VPS53: variants seen among roughly 807,000 people sequenced by gnomAD.
VPS53 encodes VPS53 subunit of GARP complex.
A neutral mutation model predicts 107.0 loss-of-function variants in VPS53; 70 were observed. That is an observed-to-expected ratio of 0.65 (90% CI 0.54 to 0.80). VPS53 has a LOEUF of 0.80. Among genes scored for constraint, VPS53 ranks in the 30% least tolerant of loss-of-function variants. VPS53 has a pLI of 0.00. For missense variants in VPS53, 917 were observed against 1,049.4 expected, an observed-to-expected ratio of 0.87 and a Z score of 1.74; for synonymous variants, 409 against 393.3, an observed-to-expected ratio of 1.04 and a Z score of -0.47.
chr17:679,288 C>T (rs576694568), intron 4 of VPS53, among the ~76,000 whole-genome samples: 7 of 151,334 alleles, frequency 4.6e-5, no homozygotes, highest in South Asian at 2.1e-4. Flanking sequence ...GGCCGAGGCG[C>T]GCAGATCACG....
chr17:683,245 AT>A (rs927239009), intron 4 of VPS53, among the ~76,000 whole-genome samples: 17 of 151,700 alleles, frequency 1.1e-4, no homozygotes, highest in African/African-American at 3.9e-4. Context: ...ATGGCTGAGA[AT>A]TTTTTTTTAA....
intron 5 of VPS53, among the ~76,000 whole-genome samples, chr17:658,699 G>A (rs1409947717): frequency 6.8e-6 from 1 of 147,834 alleles, no homozygotes; most frequent in Non-Finnish European, 1.5e-5. Flanking sequence ...ACACTCGGCC[G>A]TGAGTTCGTG....
chr17:573,391 C>G (rs1914339353), intron 13 of VPS53, among the ~76,000 whole-genome samples: 1 of 152,246 alleles, frequency 6.6e-6, no homozygotes, highest in African/African-American at 2.4e-5. Context: ...TGCCTCCTCC[C>G]TGAGTACTGG....
chr17:640,901 C>T lies in VPS53; in HGVS notation c.609-9273G>A, dbSNP rs187291451. Among the ~76,000 whole-genome samples the T allele has an allele frequency of 4.6e-5, 7 of 152,174 alleles. No individual in the cohort carries two copies. In the East Asian group the frequency reaches 1.4e-3, roughly 29 times the overall value. On this transcript the variant is annotated intron_variant, in intron 7 of 21. Transcript: ENST00000437048. ...CGAAGTCTCACTCTTGTCTCCCAGG[C>T]TGGAGTGCAATGGGATAATCTCGGC...
At chr17:596,462 G>A (rs902735420) in intron 12 of VPS53, among the ~76,000 whole-genome samples, 7 of 152,122 alleles carry the variant, frequency 4.6e-5, no homozygotes, top group Non-Finnish European at 7.3e-5. Context: ...GCAGTGCCAG[G>A]GTTCCACCTC....
chr17:674,389 C>G (rs551378549), intron 4 of VPS53: 20 of 152,202 alleles, frequency 1.3e-4, no homozygotes, highest in Non-Finnish European at 2.5e-4. Context: ...AGTCTTCATT[C>G]AGGAGAAAAC....
chr17:517,299 C>T lies in VPS53; in HGVS notation c.*1829G>A, dbSNP rs1908379094. On this transcript the variant is annotated 3_prime_UTR_variant, in exon 22 of 22. Transcript: ENST00000437048. ...GACGCTTGATGCGTGAGAGTCAAACCAGCTAGCAAGGACAGCCTGGAAGCC... is the reference window on the plus strand; with the variant it reads ...GACGCTTGATGCGTGAGAGTCAAACTAGCTAGCAAGGACAGCCTGGAAGCC... 1 of 395,718 alleles carries T rather than the reference C, an allele frequency of 2.5e-6. No homozygotes were observed. Among genetic ancestry groups the T allele is most frequent in the Non-Finnish European group, 4.5e-6 (1 of 224,542 alleles). The allele number at this position is 395,718 out of a possible 1,614,324, so 24.5% of individuals were successfully genotyped here.
intron 13 of VPS53, among the ~76,000 whole-genome samples, chr17:573,825 G>A (rs1022197806): frequency 2.0e-5 from 3 of 152,160 alleles, no homozygotes; most frequent in Non-Finnish European, 4.4e-5. Flanking sequence ...CATCTGGGAA[G>A]TTATGAATGG....
intron 9 of VPS53, among the ~76,000 whole-genome samples, chr17:627,782 A>G (rs1969778757): frequency 6.6e-6 from 1 of 152,070 alleles, no homozygotes; most frequent in South Asian, 2.1e-4. Flanking sequence ...TCTCACACAC[A>G]CACACACACA....
chr17:638,573 T>C (rs1488830728), intron 7 of VPS53, among the ~76,000 whole-genome samples: 1 of 152,220 alleles, frequency 6.6e-6, no homozygotes, highest in Non-Finnish European at 1.5e-5. Context: ...CTTTCCATGT[T>C]TAGTGCTTCC....
chr17:566,685 C>T (rs184361475), intron 13 of VPS53, among the ~76,000 whole-genome samples: 1 of 151,872 alleles, frequency 6.6e-6, no homozygotes, highest in Non-Finnish European at 1.5e-5. Context: ...ATTGATAGTG[C>T]CAACCAAATC....
At chr17:578,187 T>A (rs969859313) in intron 13 of VPS53, among the ~76,000 whole-genome samples, 1 of 151,084 alleles carries the variant, frequency 6.6e-6, no homozygotes, top group African/African-American at 2.4e-5. Context: ...CCAAAGAATC[T>A]CCCTCAGAAT....
At chr17:549,212 G>T (rs529884902) in intron 17 of VPS53, among the ~76,000 whole-genome samples, 98 of 152,290 alleles carry the variant, frequency 6.4e-4, no homozygotes, top group African/African-American at 2.3e-3. Context: ...TATCACAAAA[G>T]TTTTTTTAAA....
chr17:672,174 A>ACTCTCTCTCTCTCTCTCTCT (rs1567727983), intron 4 of VPS53, among the ~76,000 whole-genome samples: 31 of 40,234 alleles, frequency 7.7e-4, no homozygotes, highest in South Asian at 2.0e-3. Flanking sequence ...ACACAATCTC[A>ACTCTCTCTCTCTCTCTCTCT]ATCTCTCTCT....
intron 19 of VPS53, among the ~76,000 whole-genome samples, chr17:522,117 G>C (rs1003384756): frequency 6.6e-6 from 1 of 152,012 alleles, no homozygotes; most frequent in Non-Finnish European, 1.5e-5. Flanking sequence ...AGCCAGGCGT[G>C]GGGGTGCGCA....
chr17:535,407 A>G (rs1909967064), intron 18 of VPS53, among the ~76,000 whole-genome samples: 1 of 135,296 alleles, frequency 7.4e-6, no homozygotes, highest in Non-Finnish European at 1.7e-5. Context: ...GGCTAAGTCA[A>G]CGGACTCCTC....
rs533587806 is a variant in VPS53, at chr17:657,818, G to A, written c.373-1865C>T. On this transcript the variant is annotated intron_variant, in intron 5 of 21. Transcript: ENST00000437048. ...ACATCCTCATTAAAGTGAGAAACTC[G>A]GCCGTTGAGGTCGTGGATAGATATA... Among the ~76,000 whole-genome samples the A allele has an allele frequency of 1.1e-4, 16 of 152,268 alleles. No homozygotes were observed. In the South Asian group the frequency reaches 2.3e-3, roughly 22 times the overall value.
At chr17:556,165 G>T (rs1284985542) in intron 15 of VPS53, among the ~76,000 whole-genome samples, 1 of 152,128 alleles carries the variant, frequency 6.6e-6, no homozygotes, top group East Asian at 1.9e-4. Context: ...TGAAGTCCCA[G>T]TGTAGTCCCA....
intron 15 of VPS53, among the ~76,000 whole-genome samples, chr17:559,504 G>T: frequency 6.6e-6 from 1 of 152,184 alleles, no homozygotes; most frequent in South Asian, 2.1e-4. Context: ...GGAAGGTCAT[G>T]ACCTTCGCAA....
Sources: allele counts gnomAD v4.1 joint callset (sites outside exome capture counted in the v4.1 genomes callset), GRCh38; gene constraint gnomAD v4.1.1; transcripts MANE v1.5; gene names NCBI Gene and HGNC (gene_info 2026-07-23, HGNC 2026-07-21).